The following MYO10 variants were observed in gnomAD, a reference collection of about 807,000 sequenced individuals.
MYO10 encodes the protein myosin X.
A neutral mutation model predicts 257.3 loss-of-function variants in MYO10; 133 were observed. That is an observed-to-expected ratio of 0.52 (90% CI 0.45 to 0.60). The LOEUF is 0.60. Among genes scored for constraint, MYO10 ranks in the 20% least tolerant of loss-of-function variants. The probability of loss-of-function intolerance (pLI) is 0.00; values close to 1 mark genes in which losing one functional copy is unlikely to be tolerated. For missense variants in MYO10, 2,399 were observed against 2,635.7 expected (o/e 0.91, Z 1.97); for synonymous variants, 1,104 against 1,028.6 (o/e 1.07, Z -1.40).
intron 19 of MYO10, among the ~76,000 whole-genome samples, chr5:16,726,311 G>A (rs1056752056): frequency 6.6e-6 from 1 of 152,202 alleles, no homozygotes. Flanking sequence ...GGTAACAGCA[G>A]TACTAACACC....
chr5:16,794,862 G>C, intron 3 of MYO10, 29 bp from the exon 4 acceptor site: 1 of 1,425,784 alleles, frequency 7.0e-7, no homozygotes, highest in African/African-American at 1.4e-5. Context: ...ACAGGGATGC[G>C]TCACTTCTAA....
At chr5:16,837,795 T>C (rs960398748) in intron 2 of MYO10, among the ~76,000 whole-genome samples, 1 of 152,206 alleles carries the variant, frequency 6.6e-6, no homozygotes, top group Non-Finnish European at 1.5e-5. Context: ...AGACACTGCA[T>C]TTTCTTACAA....
At chr5:16,869,135 C>T (rs1251890592) in intron 2 of MYO10, among the ~76,000 whole-genome samples, 2 of 151,872 alleles carry the variant, frequency 1.3e-5, no homozygotes, top group Non-Finnish European at 2.9e-5. Flanking sequence ...CGCCATTCTC[C>T]TGCCTCAGCC....
Position 16,699,441 on chromosome 5 carries a change from C to A in MYO10, c.3556+9G>T. ...CCTAACCCAGACTCCATGGCGGCTG[C>A]AGTCATACCTTTCATGTACAGAAAG... On this transcript the variant is annotated intron_variant, in intron 26 of 40. Coordinates refer to ENST00000513610, the MANE Select transcript of MYO10 (RefSeq NM_012334.3). 6.2e-7 allele frequency: 1 copy of A among 1,613,138 alleles called. No homozygotes were observed. Among genetic ancestry groups the A allele is most frequent in the Non-Finnish European group, 8.5e-7 (1 of 1,179,440 alleles).
At chr5:16,888,005 T>C in intron 1 of MYO10, among the ~76,000 whole-genome samples, 1 of 152,202 alleles carries the variant, frequency 6.6e-6, no homozygotes, top group Non-Finnish European at 1.5e-5. Flanking sequence ...TTTCCATCTA[T>C]TAGTTAACCA....
intron 32 of MYO10, among the ~76,000 whole-genome samples, chr5:16,680,627 C>A (rs777760651): frequency 2.0e-5 from 3 of 152,150 alleles, no homozygotes; most frequent in Admixed American, 6.5e-5. Context: ...CAACCAGCAA[C>A]AAAAATCAAA....
At chr5:16,892,423 T>C (rs969888985) in intron 1 of MYO10, among the ~76,000 whole-genome samples, 2 of 151,810 alleles carry the variant, frequency 1.3e-5, no homozygotes, top group Non-Finnish European at 2.9e-5. Flanking sequence ...GGCAGGTCAC[T>C]TGAACTCAGG....
intron 3 of MYO10, among the ~76,000 whole-genome samples, chr5:16,800,591 C>T (rs1742092580): frequency 1.3e-5 from 2 of 152,130 alleles, no homozygotes; most frequent in Admixed American, 1.3e-4. Context: ...GGCTCTCCGC[C>T]CATAAAAGCG....
chr5:16,668,844 G>C (rs551144995), intron 39 of MYO10, among the ~76,000 whole-genome samples: 3 of 152,160 alleles, frequency 2.0e-5, no homozygotes, highest in African/African-American at 7.2e-5. Context: ...GTCTACTCTT[G>C]TATTAATATC....
chr5:16,744,393 G>A (rs1157309985), intron 19 of MYO10, among the ~76,000 whole-genome samples: 1 of 152,144 alleles, frequency 6.6e-6, no homozygotes, highest in Non-Finnish European at 1.5e-5. Flanking sequence ...GTGTAGTGAT[G>A]AGGCCTGGGC....
intron 2 of MYO10, among the ~76,000 whole-genome samples, chr5:16,847,527 A>C (rs1002622185): frequency 6.6e-6 from 1 of 152,050 alleles, no homozygotes; most frequent in Non-Finnish European, 1.5e-5. Flanking sequence ...GGCCCCAGGC[A>C]CTGGAGATCA....
intron 19 of MYO10, among the ~76,000 whole-genome samples, chr5:16,743,987 T>A (rs1186302875): frequency 1.3e-5 from 2 of 152,198 alleles, no homozygotes; most frequent in Non-Finnish European, 2.9e-5. Context: ...TCACATTTTC[T>A]GTAAATTTTT....
intron 3 of MYO10, among the ~76,000 whole-genome samples, chr5:16,811,552 C>A (rs1314925582): frequency 6.6e-6 from 1 of 152,092 alleles, no homozygotes; most frequent in East Asian, 1.9e-4. Flanking sequence ...CAGTTCTTTT[C>A]TTTTTCTCTT....
intron 19 of MYO10, among the ~76,000 whole-genome samples, chr5:16,725,933 G>A (rs531057214): frequency 4.6e-5 from 7 of 152,048 alleles, no homozygotes; most frequent in South Asian, 2.1e-4. Flanking sequence ...GATTATAGGC[G>A]CACGCTGCCA....
In MYO10 at chr5:16,701,030, C is replaced by A. The variant is rs370221557; in HGVS notation, c.3365G>T (p.Arg1122Leu). ...SYGSQWSPDY[R>L]CSVGTYNSSG... is the part of the protein sequence containing the mutation. ...GCTGTTGTAGGTCCCCACAGAGCAGCGGTAGTCGGGGGACCACTGGCTGCC... is the reference window on the plus strand; with the variant it reads ...GCTGTTGTAGGTCCCCACAGAGCAGAGGTAGTCGGGGGACCACTGGCTGCC... The change falls in exon 25 of 41, where the codon CGC (arginine) becomes CTC (leucine). Residue 1122 changes from arginine (R) to leucine (L), a missense_variant. Physicochemically the swap from Arg to Leu is moderately radical, Grantham distance 102. This residue lies in a region of MYO10 where 1,820 missense variants were observed against 1,939.4 expected (regional missense o/e 0.94). Coordinates refer to ENST00000513610, the MANE Select transcript of MYO10 (RefSeq NM_012334.3). The surrounding 1 kb of genome is among the most constrained non-coding windows in gnomAD (Gnocchi z 8.1). The A allele has an allele frequency of 1.9e-6, 3 of 1,563,338 alleles. No individual in the cohort carries two copies. Among genetic ancestry groups the A allele is most frequent in the Admixed American group, 1.9e-5 (1 of 52,202 alleles).
At chr5:16,759,213 G>C (rs1403206798) in intron 17 of MYO10, among the ~76,000 whole-genome samples, 8 of 152,132 alleles carry the variant, frequency 5.3e-5, no homozygotes, top group Admixed American at 1.3e-4. Context: ...GTGAGCCACC[G>C]CGCCCGCCCA....
rs777167351 is a variant in MYO10, at chr5:16,818,029, A to G, written c.259T>C (p.Tyr87His). 5.2e-5 allele frequency: 82 copies of G among 1,589,302 alleles called. No homozygotes were observed. The highest frequency in any genetic ancestry group is 6.9e-5 in the Non-Finnish European group (80 of 1,164,770). The stretch of plus-strand genomic sequence containing the variant: ...CTTACATATATTTGATTTCTCTTAT[A>G]CCGCTGGAATAAGTTATACATGATG... The part of the protein sequence containing the change: ...GSIMYNLFQR[Y>H]KRNQIYTYIG... The change falls in exon 3 of 41, where the codon TAT (tyrosine) becomes CAT (histidine). Residue 87 changes from tyrosine to histidine, a missense_variant. Tyr to His is a moderately conservative substitution (Grantham distance 83). Transcript: ENST00000513610.
At chr5:16,757,933 G>A (rs1436543857) in intron 18 of MYO10, among the ~76,000 whole-genome samples, 185 bp downstream of exon 18, 1 of 152,214 alleles carries the variant, frequency 6.6e-6, no homozygotes, top group Non-Finnish European at 1.5e-5. Context: ...CCAAAGTGCT[G>A]AGAATACAGG....
intron 10 of MYO10, among the ~76,000 whole-genome samples, chr5:16,767,167 C>CTTTT (rs35242676): frequency 3.8e-5 from 4 of 105,318 alleles, no homozygotes; most frequent in Admixed American, 2.1e-4. Context: ...ACCCAACTGT[C>CTTTT]TTTTTTTTTT....
Sources: allele counts gnomAD v4.1 joint callset (sites outside exome capture counted in the v4.1 genomes callset), GRCh38; gene constraint gnomAD v4.1.1; regional missense constraint gnomAD v4.1.1; non-coding constraint Gnocchi (gnomAD v3.1); transcripts MANE v1.5; gene names NCBI Gene and HGNC (gene_info 2026-07-23, HGNC 2026-07-21).